The following KAT6B variants were observed in gnomAD, a reference collection of about 807,000 sequenced individuals.
KAT6B encodes the protein histone acetyltransferase KAT6B.
A neutral mutation model predicts 187.5 loss-of-function variants in KAT6B; 10 were observed. The ratio of observed to expected loss-of-function variants is 0.05; its 90% CI spans 0.03 to 0.09. KAT6B has a LOEUF of 0.09. KAT6B is among the 10% of genes least tolerant of loss of function. The pLI is 1.00. For synonymous variants in KAT6B, 861 were observed against 926.8 expected (o/e 0.93, Z 1.29); for missense variants, 1,952 against 2,558.9 (o/e 0.76, Z 5.12).
At chr10:74,835,334 A>G (rs1841208102) in intron 1 of KAT6B, among the ~76,000 whole-genome samples, 1 of 152,160 alleles carries the variant, frequency 6.6e-6, no homozygotes, top group Admixed American at 6.5e-5. Context: ...GGTTTCAGCA[A>G]GGTAGTATAG....
Position 74,855,132 on chromosome 10 carries a change from G to A in KAT6B, c.621+11654G>A, listed in dbSNP as rs150039487. ...GCGACTCTTCCACAATTCAAGGGAAGGAGTGGAACTAGCCTGGTGAATTTA... is the reference window on the plus strand; with the variant it reads ...GCGACTCTTCCACAATTCAAGGGAAAGAGTGGAACTAGCCTGGTGAATTTA... On this transcript the variant is annotated intron_variant, in intron 3 of 17. Transcript: ENST00000287239. 2.3e-3 allele frequency among the ~76,000 whole-genome samples: 344 copies of A among 152,324 alleles called. 1 individual carries two copies. Among genetic ancestry groups the A allele is most frequent in the African/African-American group, 7.8e-3 (326 of 41,580 alleles).
At position 75,031,503 on chromosome 10, in the gene KAT6B, T is replaced by C; in HGVS notation, c.*457T>C. On this transcript the variant is annotated 3_prime_UTR_variant, in exon 18 of 18. Transcript: ENST00000287239. ...TTAAGGTGACACTTCAGCATGCCGC[T>C]AATGTCTTTGTTAGTGACAGTGCAT... 1 of 298,828 alleles carries C rather than the reference T, an allele frequency of 3.3e-6. No individual in the cohort carries two copies. 18.5% of individuals were successfully genotyped at this position (298,828 alleles called of 1,614,324 possible).
chr10:74,909,485 T>A (rs373004885), intron 3 of KAT6B, among the ~76,000 whole-genome samples: 1 of 152,232 alleles, frequency 6.6e-6, no homozygotes, highest in East Asian at 1.9e-4. Flanking sequence ...ATGGGCTGGA[T>A]AGCAGGCAGA....
chr10:74,997,504 C>T (rs1843519533), intron 13 of KAT6B, among the ~76,000 whole-genome samples: 1 of 152,104 alleles, frequency 6.6e-6, no homozygotes. Context: ...ATAAGTTGCA[C>T]AGCTGCAAAT....
At chr10:74,926,251 C>A (rs1478406117) in intron 3 of KAT6B, among the ~76,000 whole-genome samples, 1 of 152,192 alleles carries the variant, frequency 6.6e-6, no homozygotes, top group Non-Finnish European at 1.5e-5. Context: ...GTCAGGAGTT[C>A]AAGACCAGCT....
At chr10:74,869,213 A>G (rs1380817000) in intron 3 of KAT6B, among the ~76,000 whole-genome samples, 2 of 152,004 alleles carry the variant, frequency 1.3e-5, no homozygotes, top group Non-Finnish European at 2.9e-5. Context: ...GTCCTTTCAC[A>G]CAACTATAAT....
intron 3 of KAT6B, among the ~76,000 whole-genome samples, chr10:74,945,865 A>AT (rs1839912814): frequency 8.5e-5 from 13 of 152,264 alleles, no homozygotes; most frequent in Middle Eastern, 6.8e-3. Flanking sequence ...AATGGAGATT[A>AT]TTTTCATGAA....
intron 3 of KAT6B, among the ~76,000 whole-genome samples, chr10:74,866,276 G>C (rs1843547127): frequency 6.6e-6 from 1 of 151,594 alleles, no homozygotes; most frequent in Non-Finnish European, 1.5e-5. Context: ...GTTGGGAGAT[G>C]CCTTCGGAAG....
intron 3 of KAT6B, among the ~76,000 whole-genome samples, chr10:74,948,687 T>C (rs759208457): frequency 2.6e-5 from 4 of 152,260 alleles, no homozygotes; most frequent in Admixed American, 6.5e-5. Flanking sequence ...TGCCTCTAGC[T>C]GATACACAGC....
Position 75,031,558 on chromosome 10 carries a change from CAGTA to C in KAT6B, c.*515_*518del, listed in dbSNP as rs1564634506. The C allele has an allele frequency of 4.5e-6, 1 of 224,638 alleles. No homozygotes were observed. The highest frequency in any genetic ancestry group is 8.9e-6 in the Non-Finnish European group (1 of 112,556). 13.9% of individuals were successfully genotyped at this position (224,638 alleles called of 1,614,324 possible). A position where few individuals can be genotyped will look rare whatever the true frequency, so the allele number is the denominator to read the frequency against. On this transcript the variant is annotated 3_prime_UTR_variant, in exon 18 of 18. Coordinates refer to ENST00000287239, the MANE Select transcript of KAT6B (RefSeq NM_012330.4). ...TAGTACTGTACAAGTGTTGTGCTAA[CAGTA>C]AGCCATTTCTTAAGTTTTTTGCCTT... is the stretch of plus-strand genomic sequence containing the variant.
chr10:75,028,155 TTGTAAA>T (rs533051086), intron 17 of KAT6B, among the ~76,000 whole-genome samples: 26 of 152,346 alleles, frequency 1.7e-4, no homozygotes, highest in African/African-American at 6.3e-4. Flanking sequence ...ATTTCCTAAT[TTGTAAA>T]TGTTCAAATT....
At chr10:74,830,858 G>T (rs1840799095) in intron 1 of KAT6B, among the ~76,000 whole-genome samples, 1 of 130,316 alleles carries the variant, frequency 7.7e-6, no homozygotes, top group Non-Finnish European at 1.5e-5. Flanking sequence ...CGTGATCTTG[G>T]CTCACTGCAA....
Position 75,029,089 on chromosome 10 carries a change from A to G in KAT6B, c.4265A>G (p.Glu1422Gly), listed in dbSNP as rs776583548. 1 of 1,614,226 alleles carries G rather than the reference A, an allele frequency of 6.2e-7. No homozygotes were observed. The highest frequency in any genetic ancestry group is 8.5e-7 in the Non-Finnish European group (1 of 1,180,040). The change falls in exon 18 of 18, where the codon GAG (glutamate) becomes GGG (glycine). Residue 1422 changes from glutamate to glycine, a missense_variant. This residue lies in a region of KAT6B where 758 missense variants were observed against 891.4 expected (regional missense o/e 0.85). Coordinates refer to ENST00000287239, the MANE Select transcript of KAT6B (RefSeq NM_012330.4). The surrounding 1 kb of genome is among the most constrained non-coding windows in gnomAD (Gnocchi z 6.2). ...GAGGATGAAGAGCCATCCCACAACG[A>G]GGACCATGATGCCGATGACGAGGAT... ...EEEDEEPSHNEDHDADDEDDS... is the reference protein window; with the variant it reads ...EEEDEEPSHNGDHDADDEDDS...
intron 3 of KAT6B, among the ~76,000 whole-genome samples, chr10:74,959,767 C>G (rs1028981737): frequency 6.6e-6 from 1 of 152,178 alleles, no homozygotes; most frequent in African/African-American, 2.4e-5. Context: ...TACAACCTGG[C>G]GACAGAGCGA....
chr10:74,881,615 C>G (rs1051260572), intron 3 of KAT6B, among the ~76,000 whole-genome samples: 2 of 152,160 alleles, frequency 1.3e-5, no homozygotes, highest in Admixed American at 6.5e-5. Flanking sequence ...GTGTTAAACC[C>G]TGTGTTGCAA....
chr10:75,013,541 C>G (rs1199062210), intron 13 of KAT6B, among the ~76,000 whole-genome samples: 1 of 152,146 alleles, frequency 6.6e-6, no homozygotes, highest in African/African-American at 2.4e-5. Context: ...TTCTATAGAG[C>G]AGTCTGTCTC....
At chr10:74,849,959 G>A (rs1842363382) in intron 3 of KAT6B, among the ~76,000 whole-genome samples, 1 of 147,190 alleles carries the variant, frequency 6.8e-6, no homozygotes, top group Non-Finnish European at 1.5e-5. Flanking sequence ...TTTTTTTTGA[G>A]ACAGAGTCTC....
intron 3 of KAT6B, among the ~76,000 whole-genome samples, chr10:74,870,049 G>A (rs1012724936): frequency 1.3e-5 from 2 of 152,174 alleles, no homozygotes; most frequent in Non-Finnish European, 2.9e-5. Context: ...GGAGGCTGAG[G>A]CAGGAGGATC....
intron 3 of KAT6B, among the ~76,000 whole-genome samples, chr10:74,941,086 G>A (rs11001211): frequency 0.1 from 15,179 of 152,080 alleles, 1,049 homozygotes; most frequent in South Asian, 0.27. Flanking sequence ...AAGATTCTTC[G>A]CACCTGGTTA....
Sources: gnomAD v4.1 joint callset for allele counts (sites outside exome capture counted in the v4.1 genomes callset) on GRCh38, gnomAD v4.1.1 for gene constraint, gnomAD v4.1.1 regional missense constraint, Gnocchi (gnomAD v3.1) non-coding constraint, MANE v1.5 for transcripts, NCBI Gene and HGNC (gene_info 2026-07-23, HGNC 2026-07-21) for gene names.